Variants in GRIP1 observed in about 807,000 individuals in gnomAD.
The protein encoded by GRIP1 is glutamate receptor-interacting protein 1.
Under a neutral mutation model 129.9 loss-of-function variants are expected in GRIP1, and 45 were observed. The observed-to-expected ratio is 0.35, with a 90% CI of 0.27 to 0.44. GRIP1 has a LOEUF of 0.44. Ranked by LOEUF, GRIP1 falls within the 20% of genes least tolerant of loss-of-function variation. The pLI is 1.00. For synonymous variants in GRIP1, 530 were observed against 520.8 expected, an observed-to-expected ratio of 1.02 and a Z score of -0.24; for missense variants, 1,196 against 1,396.8, an observed-to-expected ratio of 0.86 and a Z score of 2.29.
chr12:66,658,261 C>T (rs2033285247), intron 1 of GRIP1, among the ~76,000 whole-genome samples: 3 of 152,158 alleles, frequency 2.0e-5, no homozygotes, highest in African/African-American at 4.8e-5. Context: ...ACTTTGAGAA[C>T]TTAATGCAAC....
Position 66,445,500 on chromosome 12 carries a change from C to T in GRIP1, c.1363G>A (p.Ala455Thr). Residue 455 changes from alanine (A) to threonine (T), a missense_variant, in exon 12 of 25, where the codon GCC becomes ACC. By Grantham distance (58) the Ala-to-Thr change is moderately conservative. Coordinates refer to ENST00000359742, the MANE Select transcript of GRIP1 (RefSeq NM_001366722.1). The stretch of plus-strand genomic sequence containing the variant: ...CCAGCCAATCCTACTGTGCTGGAGG[C>T]TAAGGACACTAGAGGAACAAACAGA... ...KKDFKSSLSLASSTVGLAGQV... is the reference protein window; with the variant it reads ...KKDFKSSLSLTSSTVGLAGQV... The T allele has an allele frequency of 6.2e-7, 1 of 1,611,758 alleles. No homozygotes were observed. The highest frequency in any genetic ancestry group is 8.5e-7 in the Non-Finnish European group (1 of 1,178,540).
At chr12:66,804,138 T>C (rs530232367) in exon 1 of GRIP1, 1 of 455,820 alleles carries the variant, frequency 2.2e-6, no homozygotes, top group African/African-American at 2.0e-5. Flanking sequence ...TCCCCTTTCT[T>C]CTCCTAGATC....
At chr12:66,665,757 C>T (rs1266830313) in intron 1 of GRIP1, among the ~76,000 whole-genome samples, 2 of 152,148 alleles carry the variant, frequency 1.3e-5, no homozygotes, top group African/African-American at 4.8e-5. Context: ...TTTTGAGTCA[C>T]GTAGCATGCA....
intron 1 of GRIP1, among the ~76,000 whole-genome samples, chr12:66,867,695 C>T (rs1252267): frequency 0.35 from 52,426 of 151,946 alleles, 9,348 homozygotes; most frequent in African/African-American, 0.39. Context: ...GAAAATGGCA[C>T]TTTAAAAACA....
intron 2 of GRIP1, among the ~76,000 whole-genome samples, chr12:66,593,372 T>C (rs899233107): frequency 3.3e-5 from 5 of 152,310 alleles, no homozygotes; most frequent in Admixed American, 1.3e-4. Flanking sequence ...TGAGTTTAGA[T>C]AGGAGTCATA....
chr12:66,528,134 G>GT (rs59443918), intron 5 of GRIP1, among the ~76,000 whole-genome samples: 2,364 of 99,186 alleles, frequency 0.024, 142 homozygotes, highest in African/African-American at 0.1. Context: ...GAATTAGTAG[G>GT]TTTTTTTTTT....
chr12:66,702,634 T>C (rs1350472496), intron 1 of GRIP1, among the ~76,000 whole-genome samples: 1 of 152,004 alleles, frequency 6.6e-6, no homozygotes, highest in Non-Finnish European at 1.5e-5. Flanking sequence ...ACAACCTCAA[T>C]TAAAAAGTCT....
At chr12:66,526,130 T>G (rs2061228720) in intron 5 of GRIP1, among the ~76,000 whole-genome samples, 1 of 151,626 alleles carries the variant, frequency 6.6e-6, no homozygotes, top group African/African-American at 2.4e-5. Context: ...TTCAATGCCA[T>G]CCCCAACAAG....
At chr12:66,979,473 C>G (rs932098397) in intron 1 of GRIP1, among the ~76,000 whole-genome samples, 1 of 151,914 alleles carries the variant, frequency 6.6e-6, no homozygotes, top group African/African-American at 2.4e-5. Context: ...TTCACGAACC[C>G]GTCAAAACAC....
rs186762810 is a variant in GRIP1 at position 66,747,213 on chromosome 12, A to C, written c.-420+56840T>G. ...TAGATCTCTAGAAAGAATATAAGGGATTAAAAAAACTGAGTAAATAAAATT... is the reference window on the plus strand; with the variant it reads ...TAGATCTCTAGAAAGAATATAAGGGCTTAAAAAAACTGAGTAAATAAAATT... On this transcript the variant is annotated intron_variant, in intron 1 of 4. Coordinates refer to the GRIP1 transcript ENST00000538373. 8.0e-3 allele frequency among the ~76,000 whole-genome samples: 1,222 copies of C among 152,316 alleles called. 13 individuals are homozygous for C. Among genetic ancestry groups the C allele is most frequent in the Middle Eastern group, 0.017 (5 of 294 alleles).
At chr12:66,979,222 TAAAAAAAAA>T (rs35306665) in intron 1 of GRIP1, among the ~76,000 whole-genome samples, 16 of 41,458 alleles carry the variant, frequency 3.9e-4, no homozygotes, top group South Asian at 3.1e-3. Context: ...CTTCTCTTCT[TAAAAAAAAA>T]AAAAAAAAAA....
At chr12:66,580,586 A>G (rs1360346147) in intron 2 of GRIP1, among the ~76,000 whole-genome samples, 2 of 149,540 alleles carry the variant, frequency 1.3e-5, no homozygotes, top group Non-Finnish European at 3.0e-5. Context: ...ATGGAAAACA[A>G]AAAAAGGCAG....
chr12:66,404,732 C>T (rs1255341758), intron 16 of GRIP1, among the ~76,000 whole-genome samples: 2 of 152,128 alleles, frequency 1.3e-5, no homozygotes, highest in South Asian at 2.1e-4. Flanking sequence ...AATAAGGGTT[C>T]GTTAGGCAAA....
At chr12:66,899,209 G>T (rs1046136992) in intron 1 of GRIP1, among the ~76,000 whole-genome samples, 8 of 152,046 alleles carry the variant, frequency 5.3e-5, no homozygotes, top group African/African-American at 1.9e-4. Context: ...AAAGTTGCAG[G>T]AAGGCAAGTA....
chr12:66,786,514 C>T (rs1001766951), intron 1 of GRIP1, among the ~76,000 whole-genome samples: 9 of 152,196 alleles, frequency 5.9e-5, no homozygotes, highest in African/African-American at 2.2e-4. Flanking sequence ...CCAACCCAAA[C>T]CATGTATCTC....
At chr12:67,048,140 C>T (rs1338836200) in intron 1 of GRIP1, among the ~76,000 whole-genome samples, 2 of 148,138 alleles carry the variant, frequency 1.4e-5, no homozygotes, top group Non-Finnish European at 1.5e-5. Flanking sequence ...TTCCTCTAGT[C>T]TTATTTTGGG....
chr12:66,827,233 T>A (rs1365677291), intron 1 of GRIP1, among the ~76,000 whole-genome samples: 1 of 152,038 alleles, frequency 6.6e-6, no homozygotes, highest in Non-Finnish European at 1.5e-5. Context: ...TGAGTTCTCA[T>A]CTGAAACTCA....
intron 1 of GRIP1, among the ~76,000 whole-genome samples, chr12:66,743,069 G>C (rs1008396541): frequency 6.6e-6 from 1 of 151,994 alleles, no homozygotes; most frequent in African/African-American, 2.4e-5. Flanking sequence ...CAAAACCCAT[G>C]GTAGCAATAA....
intron 1 of GRIP1, among the ~76,000 whole-genome samples, chr12:66,965,697 G>A (rs1178778361): frequency 1.3e-5 from 2 of 151,818 alleles, no homozygotes; most frequent in East Asian, 1.9e-4. Flanking sequence ...AAGAAGCCAG[G>A]CTATTTTCTC....
Sources: allele counts gnomAD v4.1 joint callset (sites outside exome capture counted in the v4.1 genomes callset), GRCh38; gene constraint gnomAD v4.1.1; transcripts MANE v1.5; gene names NCBI Gene and HGNC (gene_info 2026-07-23, HGNC 2026-07-21).